FAHD2A: variants seen among roughly 807,000 people sequenced by gnomAD.
FAHD2A encodes fumarylacetoacetate hydrolase domain containing 2A, also known as oxaloacetate tautomerase FAHD2A, mitochondrial.
A neutral mutation model predicts 33.4 loss-of-function variants in FAHD2A; 27 were observed. The ratio of observed to expected loss-of-function variants is 0.81; its 90% CI spans 0.60 to 1.11. The LOEUF (loss-of-function observed/expected upper bound fraction) is 1.11, where lower values mean the gene tolerates loss of function less well. Ranked by LOEUF, FAHD2A falls within the 50% of genes most tolerant of loss-of-function variation. The pLI is 0.00. For missense variants in FAHD2A, 296 were observed against 395.0 expected, an observed-to-expected ratio of 0.75 and a Z score of 2.12; for synonymous variants, 130 against 153.3, an observed-to-expected ratio of 0.85 and a Z score of 1.12.
chr2:95,419,505 AGG>A (rs1169335599), downstream of FAHD2A, among the ~76,000 whole-genome samples: 7 of 152,174 alleles, frequency 4.6e-5, no homozygotes, highest in East Asian at 1.4e-3. Context: ...ATCCTGGGTG[AGG>A]TGTCTTGGCC....
At chr2:95,412,276 A>G (rs1223807741) in intron 5 of FAHD2A, among the ~76,000 whole-genome samples, 158 bp from the exon 6 acceptor site, 3 of 152,146 alleles carry the variant, frequency 2.0e-5, no homozygotes, top group Middle Eastern at 3.4e-3. Context: ...GCCAATGTCT[A>G]TACAGAAAGT....
At chr2:95,412,403 A>T (rs753118756) in intron 5 of FAHD2A, 31 bp from the exon 6 acceptor site, 2 of 1,612,796 alleles carry the variant, frequency 1.2e-6, no homozygotes, top group East Asian at 4.5e-5. Context: ...GGGAAAAGGG[A>T]TAACTCCAAG....
At position 95,404,574 on chromosome 2, in the gene FAHD2A, G is replaced by A. The variant is rs987432105; in HGVS notation, c.-6-979G>A. Among the ~76,000 whole-genome samples, 4 of 152,260 alleles carry A rather than the reference G, an allele frequency of 2.6e-5. No homozygotes were observed. The East Asian group carries it at 5.8e-4, about 22-fold the overall frequency. ...CCTCCCAAATTGTTAGGGATATCAC[G>A]CATGAGCCACTACAACTGGCCCTTG... On this transcript the variant is annotated intron_variant, in intron 1 of 7. Coordinates refer to ENST00000233379, the MANE Select transcript of FAHD2A (RefSeq NM_016044.3).
chr2:95,417,005 G>A (rs1480205150), downstream of FAHD2A, among the ~76,000 whole-genome samples: 1 of 152,214 alleles, frequency 6.6e-6, no homozygotes, highest in East Asian at 1.9e-4. Context: ...AATGTGCCAT[G>A]GGACTGTATC....
At chr2:95,417,566 G>T (rs1683244163), downstream of FAHD2A, among the ~76,000 whole-genome samples, 1 of 152,200 alleles carries the variant, frequency 6.6e-6, no homozygotes, top group Non-Finnish European at 1.5e-5. Flanking sequence ...AACTAGGCCT[G>T]GAGCTACCTA....
At chr2:95,420,901 A>T (rs1035414913), downstream of FAHD2A, among the ~76,000 whole-genome samples, 7 of 152,004 alleles carry the variant, frequency 4.6e-5, no homozygotes, top group Non-Finnish European at 1.0e-4. Flanking sequence ...ATTACACAAC[A>T]CTTTCCTTAA....
intron 3 of FAHD2A, among the ~76,000 whole-genome samples, chr2:95,408,553 G>A (rs1328245746): frequency 6.6e-6 from 1 of 152,192 alleles, no homozygotes; most frequent in Non-Finnish European, 1.5e-5. Context: ...CACATCTTAG[G>A]TGGATAGCAG....
chr2:95,418,128 G>A (rs190703195), downstream of FAHD2A, among the ~76,000 whole-genome samples: 3 of 151,486 alleles, frequency 2.0e-5, no homozygotes, highest in African/African-American at 7.3e-5. Context: ...ACTCCTTCAG[G>A]GGCCTATCCA....
rs1330870785 is a variant in FAHD2A at position 95,410,679 on chromosome 2, T to C, written c.522+93T>C. 61 of 1,574,298 alleles carry C rather than the reference T, an allele frequency of 3.9e-5. 1 individual carries two copies. The South Asian group carries it at 5.7e-4, about 15-fold the overall frequency. On this transcript the variant is annotated intron_variant, in intron 4 of 7. Coordinates refer to ENST00000233379, the MANE Select transcript of FAHD2A (RefSeq NM_016044.3). ...TCTGACCCCACTCACCAACACACGG[T>C]GCCAGCTGTCCCTGACACTAGGAAG...
At position 95,405,776 on chromosome 2, in the gene FAHD2A, G is replaced by A; in HGVS notation, c.218G>A (p.Gly73Glu). Residue 73 changes from glycine (G) to glutamate (E), a missense_variant, in exon 2 of 8, where the codon GGA (glycine) becomes GAA (glutamate). Physicochemically the swap from Gly to Glu is moderately conservative, Grantham distance 98. Coordinates refer to ENST00000233379, the MANE Select transcript of FAHD2A (RefSeq NM_016044.3). ...ACGATGACGCAGTTCCTAGAGCAGG[G>A]AGAGGCCACCCTCTCAGTGGCAAGA... Reference protein sequence around the residue: ...PKTMTQFLEQGEATLSVARRA... With the variant: ...PKTMTQFLEQEEATLSVARRA... The A allele has an allele frequency of 6.2e-7, 1 of 1,613,368 alleles. No individual in the cohort carries two copies. The highest frequency in any genetic ancestry group is 8.5e-7 in the Non-Finnish European group (1 of 1,179,784).
At chr2:95,416,625 C>G (rs141593973), downstream of FAHD2A, 18 of 152,378 alleles carry the variant, frequency 1.2e-4, no homozygotes, top group African/African-American at 3.8e-4. Flanking sequence ...CACTCCTGGT[C>G]TGGCTTGCTG....
downstream of FAHD2A, among the ~76,000 whole-genome samples, chr2:95,419,807 G>C (rs1303536127): frequency 6.9e-6 from 1 of 144,374 alleles, no homozygotes; most frequent in Non-Finnish European, 1.6e-5. Flanking sequence ...TATACATGGA[G>C]AGAGAGAGAG....
chr2:95,406,927 T>C lies in FAHD2A; in HGVS notation c.246-14T>C. ...TTCCCAGCCAGACCCTCTCACCTGC[T>C]CTGGTCTCTACAGAGCCCTGGCTGC... On this transcript the variant is annotated splice_polypyrimidine_tract_variant and intron_variant, in intron 2 of 7. Transcript: ENST00000233379. 3 of 1,606,122 alleles carry C rather than the reference T, an allele frequency of 1.9e-6. No homozygotes were observed. The highest frequency in any genetic ancestry group is 2.6e-6 in the Non-Finnish European group (3 of 1,175,824).
Position 95,414,149 on chromosome 2 carries a change from C to G in FAHD2A, c.*1192C>G, listed in dbSNP as rs541478232. 3.4e-5 allele frequency: 52 copies of G among 1,544,376 alleles called. No homozygotes were observed. Among genetic ancestry groups the G allele is most frequent in the Non-Finnish European group, 4.6e-5 (52 of 1,138,888 alleles). On this transcript the variant is annotated 3_prime_UTR_variant, in exon 8 of 8. Transcript: ENST00000233379. ...CTGGACAGAAGACTACTCTGCAGCCCGCCTTCCTAGAGTTGGGTTGTCACT... is the reference window on the plus strand; with the variant it reads ...CTGGACAGAAGACTACTCTGCAGCCGGCCTTCCTAGAGTTGGGTTGTCACT...
Position 95,410,523 on chromosome 2 carries a change from A to T in FAHD2A, c.463-4A>T, listed in dbSNP as rs749597290. 1.9e-5 allele frequency: 31 copies of T among 1,607,954 alleles called. No homozygotes were observed. In the South Asian group the frequency reaches 3.4e-4, roughly 17 times the overall value. ...CAGCTCACTGTTCCTCTCCCACCCT[A>T]CAGGAGGTAGATTGGGAAGTGGAGC... On this transcript the variant is annotated splice_region_variant and splice_polypyrimidine_tract_variant and intron_variant, in intron 3 of 7. Coordinates refer to ENST00000233379, the MANE Select transcript of FAHD2A (RefSeq NM_016044.3).
At chr2:95,418,342 C>T (rs1302354714), downstream of FAHD2A, among the ~76,000 whole-genome samples, 6 of 151,866 alleles carry the variant, frequency 4.0e-5, no homozygotes, top group Non-Finnish European at 8.8e-5. Flanking sequence ...GGTGGCAATA[C>T]TTGCCCTGAG....
rs200437887 is a variant in FAHD2A at position 95,406,976 on chromosome 2, C to G, written c.281C>G (p.Ser94Trp). ...GCCCAGTTGCCAGTCCTACCACGGT[C>G]GGAGGTAACCTTCCTGGCTCCAGTC... is the stretch of plus-strand genomic sequence containing the variant. ...LAAQLPVLPR[S>W]EVTFLAPVTR... Residue 94 changes from serine (S) to tryptophan (W), a missense_variant, in exon 3 of 8, where the codon TCG becomes TGG. Ser to Trp is a radical substitution (Grantham distance 177). Coordinates refer to ENST00000233379, the MANE Select transcript of FAHD2A (RefSeq NM_016044.3). 3 of 1,613,842 alleles carry G rather than the reference C, an allele frequency of 1.9e-6. No homozygotes were observed. The highest frequency in any genetic ancestry group is 8.5e-7 in the Non-Finnish European group (1 of 1,179,854).
intron 5 of FAHD2A, 51 bp from the exon 6 acceptor site, chr2:95,412,383 G>A (rs776852392): frequency 3.1e-6 from 5 of 1,608,870 alleles, no homozygotes; most frequent in Non-Finnish European, 3.4e-6. Context: ...AAATATTGGG[G>A]GGTTTGAGGG....
At position 95,413,719 on chromosome 2, in the gene FAHD2A, C is replaced by T. The variant is rs752758108; in HGVS notation, c.*762C>T. On this transcript the variant is annotated 3_prime_UTR_variant, in exon 8 of 8. Coordinates refer to ENST00000233379, the MANE Select transcript of FAHD2A (RefSeq NM_016044.3). ...GTGCAAATGCTGCCTCAAAGCAGCC[C>T]CAATACCCCACCTAGAAGGATGAGC... 3 of 834,536 alleles carry T rather than the reference C, an allele frequency of 3.6e-6. No individual in the cohort carries two copies. The highest frequency in any genetic ancestry group is 5.6e-6 in the Non-Finnish European group (3 of 538,612). 51.7% of individuals were successfully genotyped at this position (834,536 alleles called of 1,614,324 possible).
Sources: gnomAD v4.1 joint callset for allele counts (sites outside exome capture counted in the v4.1 genomes callset) on GRCh38, gnomAD v4.1.1 for gene constraint, MANE v1.5 for transcripts, NCBI Gene and HGNC (gene_info 2026-07-23, HGNC 2026-07-21) for gene names.